The following CSGALNACT1 variants were observed in gnomAD, a reference collection of about 807,000 sequenced individuals.
CSGALNACT1 encodes beta4GalNAcT-1.
A neutral mutation model predicts 51.0 loss-of-function variants in CSGALNACT1; 52 were observed. The ratio of observed to expected loss-of-function variants is 1.02; its 90% confidence interval spans 0.82 to 1.29. CSGALNACT1 has a LOEUF of 1.29. Among genes scored for constraint, CSGALNACT1 ranks in the 50% most tolerant of loss-of-function variants. CSGALNACT1 has a pLI of 0.00. For synonymous variants in CSGALNACT1, 341 were observed against 254.4 expected, an observed-to-expected ratio of 1.34 and a Z score of -3.24; for missense variants, 935 against 679.2, an observed-to-expected ratio of 1.38 and a Z score of -4.19.
intron 3 of CSGALNACT1, among the ~76,000 whole-genome samples, chr8:19,577,332 G>T (rs2044468896): frequency 6.6e-6 from 1 of 151,498 alleles, no homozygotes; most frequent in Non-Finnish European, 1.5e-5. Flanking sequence ...GGAGGTCAAG[G>T]CAGGGGGACG....
At chr8:19,632,515 ACCT>A (rs1236702735) in intron 1 of CSGALNACT1, among the ~76,000 whole-genome samples, 1 of 152,252 alleles carries the variant, frequency 6.6e-6, no homozygotes, top group African/African-American at 2.4e-5. Context: ...CATTTGGAAT[ACCT>A]TTCCTCGGTT....
intron 2 of CSGALNACT1, among the ~76,000 whole-genome samples, chr8:19,595,601 T>C (rs866229395): frequency 5.9e-5 from 9 of 152,050 alleles, no homozygotes; most frequent in South Asian, 2.1e-4. Flanking sequence ...CTTGACTATA[T>C]GATCATATTT....
chr8:19,723,340 C>G (rs562321393), intron 1 of CSGALNACT1, among the ~76,000 whole-genome samples: 2 of 152,264 alleles, frequency 1.3e-5, no homozygotes, highest in Non-Finnish European at 2.9e-5. Context: ...TAATAGAAAC[C>G]CAAAACATCT....
At chr8:19,457,662 G>C (rs751097313) in intron 5 of CSGALNACT1, 1 of 1,290,494 alleles carries the variant, frequency 7.7e-7, no homozygotes, top group Non-Finnish European at 1.0e-6. Context: ...TTTATAATTA[G>C]ACAGTAGGAT....
chr8:19,440,826 C>T (rs1351051614), intron 5 of CSGALNACT1, among the ~76,000 whole-genome samples: 1 of 152,256 alleles, frequency 6.6e-6, no homozygotes, highest in South Asian at 2.1e-4. Flanking sequence ...ACCCCATTGT[C>T]TCAGCCCAAA....
intron 1 of CSGALNACT1, among the ~76,000 whole-genome samples, chr8:19,705,493 G>T (rs1485767254): frequency 6.6e-6 from 1 of 152,172 alleles, no homozygotes; most frequent in Non-Finnish European, 1.5e-5. Context: ...AACACTTTGG[G>T]AGGCTGAGGC....
intron 8 of CSGALNACT1, among the ~76,000 whole-genome samples, chr8:19,418,170 G>A (rs2057256977): frequency 6.6e-6 from 1 of 152,174 alleles, no homozygotes; most frequent in African/African-American, 2.4e-5. Context: ...ACGGTGGCAT[G>A]ACGGGAAGGG....
chr8:19,495,162 T>C (rs1587201937), intron 4 of CSGALNACT1: 1 of 152,160 alleles, frequency 6.6e-6, no homozygotes, highest in East Asian at 1.9e-4. Context: ...GCAATCAAAA[T>C]AACCTCATCA....
At chr8:19,608,900 T>C (rs2051783126) in intron 1 of CSGALNACT1, among the ~76,000 whole-genome samples, 1 of 152,214 alleles carries the variant, frequency 6.6e-6, no homozygotes, top group Admixed American at 6.5e-5. Context: ...AGTTGAGAGA[T>C]ACTATGATGA....
At chr8:19,465,744 G>C (rs2066519898) in intron 4 of CSGALNACT1, among the ~76,000 whole-genome samples, 1 of 152,088 alleles carries the variant, frequency 6.6e-6, no homozygotes, top group African/African-American at 2.4e-5. Flanking sequence ...AAAGATCTTG[G>C]GCATCCCCCT....
intron 1 of CSGALNACT1, among the ~76,000 whole-genome samples, chr8:19,642,904 T>A (rs1207949000): frequency 6.6e-6 from 1 of 152,106 alleles, no homozygotes; most frequent in Non-Finnish European, 1.5e-5. Context: ...CAGATTTTTC[T>A]CCATTTCAAA....
intron 5 of CSGALNACT1, among the ~76,000 whole-genome samples, chr8:19,452,898 C>G (rs370295125): frequency 6.6e-6 from 1 of 152,272 alleles, no homozygotes; most frequent in Middle Eastern, 3.4e-3. Context: ...TCTTCCTCTC[C>G]TCCACCCAGC....
intron 1 of CSGALNACT1, among the ~76,000 whole-genome samples, chr8:19,749,118 T>C (rs2064871656): frequency 6.6e-6 from 1 of 152,140 alleles, no homozygotes. Flanking sequence ...TTTGTGTGCT[T>C]TGCATGTACT....
At chr8:19,568,709 A>C (rs1382532327) in intron 3 of CSGALNACT1, among the ~76,000 whole-genome samples, 2 of 152,224 alleles carry the variant, frequency 1.3e-5, no homozygotes, top group Non-Finnish European at 2.9e-5. Flanking sequence ...TCCAGAATGA[A>C]ATGGTCCAAA....
At chr8:19,498,370 C>A (rs1223809488) in intron 4 of CSGALNACT1, among the ~76,000 whole-genome samples, 3 of 152,202 alleles carry the variant, frequency 2.0e-5, no homozygotes, top group Admixed American at 6.5e-5. Flanking sequence ...GATTAAAAAA[C>A]TTCCATCCTT....
chr8:19,509,243 T>G (rs1433045707), intron 3 of CSGALNACT1, among the ~76,000 whole-genome samples: 2 of 152,168 alleles, frequency 1.3e-5, no homozygotes, highest in African/African-American at 2.4e-5. Context: ...CTTCCTGAAG[T>G]CAGAAGAGGC....
chr8:19,535,592 C>T (rs931826334), intron 3 of CSGALNACT1, among the ~76,000 whole-genome samples: 3 of 152,088 alleles, frequency 2.0e-5, no homozygotes, highest in African/African-American at 7.2e-5. Context: ...CAATGATCAA[C>T]CAATTCAGGT....
At chr8:19,504,071 C>T (rs1384661128) in intron 4 of CSGALNACT1, among the ~76,000 whole-genome samples, 1 of 152,068 alleles carries the variant, frequency 6.6e-6, no homozygotes, top group South Asian at 2.1e-4. Flanking sequence ...TATTTCTGGG[C>T]AAGATGAATT....
At chr8:19,530,241 AC>A (rs1315551065) in intron 3 of CSGALNACT1, among the ~76,000 whole-genome samples, 27 of 151,756 alleles carry the variant, frequency 1.8e-4, no homozygotes, top group African/African-American at 5.6e-4. Context: ...ACAAAACAAA[AC>A]AAAACAAAAC....
Sources: gnomAD v4.1 joint callset for allele counts (sites outside exome capture counted in the v4.1 genomes callset) on GRCh38, gnomAD v4.1.1 for gene constraint, MANE v1.5 for transcripts, NCBI Gene and HGNC (gene_info 2026-07-23, HGNC 2026-07-21) for gene names.